PEPD: variants seen among roughly 807,000 people sequenced by gnomAD.
PEPD encodes the protein xaa-Pro dipeptidase.
Under a neutral mutation model 60.7 loss-of-function variants are expected in PEPD, and 53 were observed. The ratio of observed to expected loss-of-function variants is 0.87; its 90% CI spans 0.70 to 1.10. The LOEUF is 1.10. Among genes scored for constraint, PEPD ranks in the 50% least tolerant of loss-of-function variants. PEPD has a pLI of 0.00. For missense variants in PEPD, 711 were observed against 711.9 expected (o/e 1.00, Z 0.01); for synonymous variants, 267 against 284.1 (o/e 0.94, Z 0.60).
At chr19:33,397,900 G>A (rs1382118341) in intron 12 of PEPD, among the ~76,000 whole-genome samples, 2 of 152,198 alleles carry the variant, frequency 1.3e-5, no homozygotes, top group South Asian at 4.1e-4. Context: ...CTTGCCCCGA[G>A]GTCTGGCCAC....
chr19:33,454,298 T>C (rs1377298959), intron 9 of PEPD, among the ~76,000 whole-genome samples: 1 of 152,186 alleles, frequency 6.6e-6, no homozygotes, highest in East Asian at 1.9e-4. Flanking sequence ...TCCATGGGTC[T>C]ATACAAGTTT....
At chr19:33,440,693 G>A (rs987358423) in intron 9 of PEPD, among the ~76,000 whole-genome samples, 3 of 152,134 alleles carry the variant, frequency 2.0e-5, no homozygotes, top group South Asian at 2.1e-4. Context: ...CTCTACTGCC[G>A]TCCCCGCTTT....
At chr19:33,449,601 T>C (rs1043946282) in intron 9 of PEPD, among the ~76,000 whole-genome samples, 4 of 151,998 alleles carry the variant, frequency 2.6e-5, no homozygotes, top group Non-Finnish European at 5.9e-5. Context: ...GTGGACATCA[T>C]GAGAGGAAGC....
chr19:33,515,840 C>T lies in PEPD; in HGVS notation c.18-3064G>A, dbSNP rs375872329. Reference sequence around the variant, plus strand: ...CAGGTGCTGGCTCCCCATGGCCTGACACCATGCCCCCACCTGTAATGCTCA... The same window carrying T: ...CAGGTGCTGGCTCCCCATGGCCTGATACCATGCCCCCACCTGTAATGCTCA... On this transcript the variant is annotated intron_variant, in intron 1 of 14. Coordinates refer to ENST00000244137, the MANE Select transcript of PEPD (RefSeq NM_000285.4). Among the ~76,000 whole-genome samples the T allele has an allele frequency of 9.2e-5, 14 of 152,286 alleles. 1 individual carries two copies. In the South Asian group the frequency reaches 2.3e-3, roughly 25 times the overall value.
intron 6 of PEPD, among the ~76,000 whole-genome samples, chr19:33,487,684 G>C (rs1048493346): frequency 6.6e-6 from 1 of 152,184 alleles, no homozygotes; most frequent in Admixed American, 6.5e-5. Context: ...TCAGAGATTG[G>C]AGAGGTACCA....
chr19:33,432,476 A>G (rs1969294628), intron 9 of PEPD, among the ~76,000 whole-genome samples: 1 of 152,160 alleles, frequency 6.6e-6, no homozygotes, highest in Admixed American at 6.5e-5. Flanking sequence ...CCGACAGCTC[A>G]GGTTTCCACT....
At position 33,452,931 on chromosome 19, in the gene PEPD, C is replaced by CA. The variant is rs1284843355; in HGVS notation, c.671+10063dup. ...GGGGGTGCTTCCCAAAACATGATCT[C>CA]AAAAACCTTGGTCTCAAAATATGGC... On this transcript the variant is annotated intron_variant, in intron 9 of 14. Coordinates refer to ENST00000244137, the MANE Select transcript of PEPD (RefSeq NM_000285.4). 8.5e-5 allele frequency among the ~76,000 whole-genome samples: 13 copies of CA among 152,238 alleles called. No homozygotes were observed. The East Asian group carries it at 2.3e-3, about 27-fold the overall frequency.
intron 12 of PEPD, among the ~76,000 whole-genome samples, chr19:33,400,491 C>T (rs1968462811): frequency 6.6e-6 from 1 of 152,192 alleles, no homozygotes; most frequent in African/African-American, 2.4e-5. Context: ...CCTTGGGGGG[C>T]CAGCTGTGCC....
rs1188518029 is a variant in PEPD, at chr19:33,491,651, A to G, written c.442-1594T>C. On this transcript the variant is annotated intron_variant, in intron 5 of 14. Coordinates refer to ENST00000244137, the MANE Select transcript of PEPD (RefSeq NM_000285.4). Reference sequence around the variant, plus strand: ...CTGTGTCCGGTTTCCACTGCCTGGAACGGGACCCCACATTCTGTATTTGTC... The same window carrying G: ...CTGTGTCCGGTTTCCACTGCCTGGAGCGGGACCCCACATTCTGTATTTGTC... 2.0e-5 allele frequency among the ~76,000 whole-genome samples: 3 copies of G among 152,166 alleles called. No homozygotes were observed. The East Asian group carries it at 5.8e-4, about 29-fold the overall frequency.
chr19:33,431,223 G>A (rs1046384408), intron 9 of PEPD, among the ~76,000 whole-genome samples: 17 of 151,098 alleles, frequency 1.1e-4, no homozygotes, highest in African/African-American at 4.1e-4. Flanking sequence ...AGGGAAGGAG[G>A]GCAATTCAAG....
intron 9 of PEPD, among the ~76,000 whole-genome samples, chr19:33,421,290 C>T (rs115375000): frequency 0.012 from 1,815 of 152,248 alleles, 40 homozygotes; most frequent in African/African-American, 0.041. Context: ...TCTGAGTAGT[C>T]ACATCTTTGT....
intron 1 of PEPD, among the ~76,000 whole-genome samples, chr19:33,520,535 C>A (rs1289369298): frequency 1.3e-5 from 2 of 152,236 alleles, no homozygotes; most frequent in Non-Finnish European, 2.9e-5. Flanking sequence ...ATGTGTCCAT[C>A]TGTTCCAGTG....
intron 1 of PEPD, among the ~76,000 whole-genome samples, chr19:33,515,075 A>C (rs530001224): frequency 6.6e-6 from 1 of 152,280 alleles, no homozygotes; most frequent in East Asian, 1.9e-4. Context: ...CCTCGGGTGG[A>C]AACACTGGGA....
At chr19:33,455,777 G>A (rs1348912348) in intron 9 of PEPD, among the ~76,000 whole-genome samples, 3 of 150,412 alleles carry the variant, frequency 2.0e-5, no homozygotes, top group Non-Finnish European at 4.4e-5. Context: ...GACTCCCAAA[G>A]TGCTGGGACT....
intron 9 of PEPD, among the ~76,000 whole-genome samples, chr19:33,441,287 G>A (rs1053947760): frequency 2.0e-5 from 3 of 152,302 alleles, no homozygotes. Flanking sequence ...TTGGCCCTGG[G>A]ACCACCTGGG....
chr19:33,502,236 C>T (rs552704101), intron 3 of PEPD, among the ~76,000 whole-genome samples: 1 of 152,212 alleles, frequency 6.6e-6, no homozygotes, highest in South Asian at 2.1e-4. Flanking sequence ...CCTCATCACA[C>T]GGGCTCTATC....
intron 1 of PEPD, among the ~76,000 whole-genome samples, chr19:33,521,129 G>A (rs996950094): frequency 2.0e-5 from 3 of 152,246 alleles, no homozygotes; most frequent in Non-Finnish European, 2.9e-5. Context: ...CCAGTATGGA[G>A]CACCTACTGT....
chr19:33,431,954 C>G (rs1969282059), intron 9 of PEPD, among the ~76,000 whole-genome samples: 2 of 140,782 alleles, frequency 1.4e-5, no homozygotes, highest in South Asian at 4.5e-4. Flanking sequence ...GATGGCGACA[C>G]TGCACTCCAG....
At chr19:33,418,062 C>T (rs758306731) in intron 9 of PEPD, among the ~76,000 whole-genome samples, 4 of 152,234 alleles carry the variant, frequency 2.6e-5, no homozygotes, top group Admixed American at 6.5e-5. Flanking sequence ...CCTCACGGAG[C>T]TGACCCAGGG....
Sources: gnomAD v4.1 joint callset for allele counts (sites outside exome capture counted in the v4.1 genomes callset) on GRCh38, gnomAD v4.1.1 for gene constraint, MANE v1.5 for transcripts, NCBI Gene and HGNC (gene_info 2026-07-23, HGNC 2026-07-21) for gene names.